Variants in GNAS-AS1 observed in about 807,000 individuals in gnomAD.
The protein encoded by GNAS-AS1 is GNAS antisense RNA 1 (non-protein coding).
chr20:58,835,457 A>C (rs1350847390), intron 4 of GNAS-AS1, among the ~76,000 whole-genome samples: 1 of 152,186 alleles, frequency 6.6e-6, no homozygotes, highest in African/African-American at 2.4e-5. Flanking sequence ...ACATGGTTAG[A>C]AACAAGTGGA....
rs1240694140 is a variant in GNAS-AS1, at chr20:58,841,534, C to G, written n.819+403G>C. 3.0e-6 allele frequency: 3 copies of G among 994,894 alleles called. No individual in the cohort carries two copies. In the South Asian group the frequency reaches 1.4e-4, roughly 46 times the overall value. 61.6% of individuals were successfully genotyped at this position (994,894 alleles called of 1,614,324 possible). ...CCTCCGCGCCAGTGCCTCCAGCTGCCGTGCGCCAGCCTTGGCCGCCACAGC... is the reference window on the plus strand; with the variant it reads ...CCTCCGCGCCAGTGCCTCCAGCTGCGGTGCGCCAGCCTTGGCCGCCACAGC... On this transcript the variant is annotated intron_variant and non_coding_transcript_variant, in intron 4 of 4. Coordinates refer to ENST00000424094, the Ensembl canonical transcript of GNAS-AS1. This position sits in a 1 kb window ranked among gnomAD's most constrained non-coding sequence, Gnocchi z 5.0.
intron 4 of GNAS-AS1, among the ~76,000 whole-genome samples, chr20:58,824,639 G>T (rs1417596264): frequency 1.3e-5 from 2 of 152,144 alleles, no homozygotes; most frequent in African/African-American, 2.4e-5. Flanking sequence ...CCCAACCCGA[G>T]AAAGAACACA....
chr20:58,836,015 C>T (rs749866551), intron 4 of GNAS-AS1, among the ~76,000 whole-genome samples: 11 of 152,164 alleles, frequency 7.2e-5, no homozygotes, highest in Non-Finnish European at 1.3e-4. Context: ...AACACTCCTT[C>T]CTGTCACTGA....
rs979594228 is a variant in GNAS-AS1 at position 58,825,965 on chromosome 20, C to T, written n.820-6710G>A. The T allele has an allele frequency of 5.0e-5, 20 of 397,868 alleles. No homozygotes were observed. In the East Asian group the frequency reaches 7.1e-4, roughly 14 times the overall value. The allele number at this position is 397,868 out of a possible 1,614,324, so 24.6% of individuals were successfully genotyped here. A position where few individuals can be genotyped will look rare whatever the true frequency, so the allele number is the denominator to read the frequency against. ...GCCTTGTGTCTCTCAATCAGCAGCCCCAAGAAAGGTCTCTGAGAGTGCGCC... is the reference window on the plus strand; with the variant it reads ...GCCTTGTGTCTCTCAATCAGCAGCCTCAAGAAAGGTCTCTGAGAGTGCGCC... On this transcript the variant is annotated intron_variant and non_coding_transcript_variant, in intron 4 of 4. Coordinates refer to ENST00000424094, the Ensembl canonical transcript of GNAS-AS1.
At position 58,841,676 on chromosome 20, in the gene GNAS-AS1, A is replaced by C; in HGVS notation, n.819+261T>G. 8.6e-7 allele frequency: 1 copy of C among 1,168,658 alleles called. No homozygotes were observed. Among genetic ancestry groups the C allele is most frequent in the Non-Finnish European group, 1.1e-6 (1 of 947,660 alleles). The allele number at this position is 1,168,658 out of a possible 1,614,324, so 72.4% of individuals were successfully genotyped here. A position where few individuals can be genotyped will look rare whatever the true frequency, so the allele number is the denominator to read the frequency against. On this transcript the variant is annotated intron_variant and non_coding_transcript_variant, in intron 4 of 4. Coordinates refer to ENST00000424094, the Ensembl canonical transcript of GNAS-AS1. This position sits in a 1 kb window ranked among gnomAD's most constrained non-coding sequence, Gnocchi z 5.0. The stretch of plus-strand genomic sequence containing the variant: ...GGTTAGGGGAAAGTACCTGGGGGAA[A>C]GGTAGAGGAGGTAAGGGGACCCTTG...
chr20:58,849,366 T>G (rs1476485400), intron 1 of GNAS-AS1, among the ~76,000 whole-genome samples: 1 of 152,176 alleles, frequency 6.6e-6, no homozygotes, highest in African/African-American at 2.4e-5. Context: ...ACTGTCTCCC[T>G]TTTTCCTGTC....
At chr20:58,831,415 G>A (rs1230289347) in intron 4 of GNAS-AS1, among the ~76,000 whole-genome samples, 1 of 152,312 alleles carries the variant, frequency 6.6e-6, no homozygotes, top group East Asian at 1.9e-4. Flanking sequence ...AGTGGCTCAT[G>A]CCTGTAATCC....
intron 4 of GNAS-AS1, among the ~76,000 whole-genome samples, chr20:58,830,085 G>A (rs1298375142): frequency 6.6e-6 from 1 of 151,858 alleles, no homozygotes; most frequent in African/African-American, 2.4e-5. Context: ...TTTCTGCATG[G>A]CTGGGCTCCT....
At chr20:58,820,145 G>T (rs1316807821) in intron 4 of GNAS-AS1, among the ~76,000 whole-genome samples, 2 of 152,252 alleles carry the variant, frequency 1.3e-5, no homozygotes, top group Admixed American at 1.3e-4. Context: ...GGTGTTGATG[G>T]TGTGCGCCAG....
chr20:58,841,927 G>C lies in GNAS-AS1; in HGVS notation n.819+10C>G, dbSNP rs1417367694. On this transcript the variant is annotated intron_variant and non_coding_transcript_variant, in intron 4 of 4. Transcript: ENST00000424094. This position sits in a 1 kb window ranked among gnomAD's most constrained non-coding sequence, Gnocchi z 5.0. ...AGACGGGGGTCGCGTCTAACATCAGGATAACTTACAATTCGTTTCCAAAGA... is the reference window on the plus strand; with the variant it reads ...AGACGGGGGTCGCGTCTAACATCAGCATAACTTACAATTCGTTTCCAAAGA... 47 of 1,207,858 alleles carry C rather than the reference G, an allele frequency of 3.9e-5. No homozygotes were observed. Among genetic ancestry groups the C allele is most frequent in the Middle Eastern group, 3.1e-4 (1 of 3,198 alleles). The allele number at this position is 1,207,858 out of a possible 1,614,324, so 74.8% of individuals were successfully genotyped here. A position where few individuals can be genotyped will look rare whatever the true frequency, so the allele number is the denominator to read the frequency against.
chr20:58,845,429 T>C (rs1263918034), intron 2 of GNAS-AS1, among the ~76,000 whole-genome samples: 1 of 152,164 alleles, frequency 6.6e-6, no homozygotes, highest in Admixed American at 6.5e-5. Flanking sequence ...CCACTGTCTG[T>C]TTATGCACTG....
chr20:58,831,877 A>G (rs542985356), intron 4 of GNAS-AS1, among the ~76,000 whole-genome samples: 1 of 152,326 alleles, frequency 6.6e-6, no homozygotes, highest in East Asian at 1.9e-4. Context: ...TCAAGAATCA[A>G]AATCAAAAGT....
chr20:58,830,330 C>CCA (rs2085550367), intron 4 of GNAS-AS1, among the ~76,000 whole-genome samples: 1 of 128,590 alleles, frequency 7.8e-6, no homozygotes. Context: ...ATCATCATCA[C>CCA]CACCACCATC....
At chr20:58,826,861 G>A (rs2085524041) in intron 4 of GNAS-AS1, 1 of 104,456 alleles carries the variant, frequency 9.6e-6, no homozygotes, top group Non-Finnish European at 2.0e-5. Context: ...CACCATGCCT[G>A]GCTTTTTTTT....
At chr20:58,834,204 A>G (rs2085586857) in intron 4 of GNAS-AS1, 1 of 152,284 alleles carries the variant, frequency 6.6e-6, no homozygotes, top group Non-Finnish European at 1.5e-5. Context: ...TAGGGGCTAG[A>G]GGAAAGATAG....
At chr20:58,826,755 C>G (rs1223870647) in intron 4 of GNAS-AS1, 1 of 151,618 alleles carries the variant, frequency 6.6e-6, no homozygotes, top group Non-Finnish European at 1.5e-5. Context: ...CTCACTCTGC[C>G]ACCCAGGCTG....
intron 4 of GNAS-AS1, among the ~76,000 whole-genome samples, chr20:58,830,417 CCACCACCGCCA>C (rs2085552911): frequency 1.6e-5 from 1 of 63,204 alleles, no homozygotes; most frequent in Non-Finnish European, 3.2e-5. Context: ...ACCACCATCA[CCACCACCGCCA>C]CACCACCATC....
chr20:58,825,247 C>G (rs2085511866), intron 4 of GNAS-AS1, among the ~76,000 whole-genome samples: 1 of 152,238 alleles, frequency 6.6e-6, no homozygotes, highest in Non-Finnish European at 1.5e-5. Flanking sequence ...CTAAGAGGCA[C>G]CTGACCAGAC....
In GNAS-AS1 at chr20:58,820,572, A is replaced by G. The variant is rs74830365; in HGVS notation, n.820-1317T>C. On this transcript the variant is annotated intron_variant and non_coding_transcript_variant, in intron 4 of 4. Transcript: ENST00000424094. ...GCAGCCTCTCCCAGATGGACCCTGT[A>G]TTAGTCCGTTTTCACACTGCTGATA... 3.1e-3 allele frequency among the ~76,000 whole-genome samples: 476 copies of G among 152,378 alleles called. 4 individuals are homozygous for G. The highest frequency in any genetic ancestry group is 0.028 in the East Asian group (143 of 5,184).
Sources: gnomAD v4.1 joint callset for allele counts (sites outside exome capture counted in the v4.1 genomes callset) on GRCh38, gnomAD v4.1.1 for gene constraint, Gnocchi (gnomAD v3.1) non-coding constraint, MANE v1.5 for transcripts, NCBI Gene and HGNC (gene_info 2026-07-23, HGNC 2026-07-21) for gene names.